SAPCD1: variants seen among roughly 807,000 people sequenced by gnomAD.
SAPCD1 encodes the protein suppressor APC domain containing 1.
A neutral mutation model predicts 20.7 loss-of-function variants in SAPCD1; 16 were observed. The ratio of observed to expected loss-of-function variants is 0.77; its 90% CI spans 0.52 to 1.17. The LOEUF (loss-of-function observed/expected upper bound fraction) is 1.17, where lower values mean the gene tolerates loss of function less well. Among genes scored for constraint, SAPCD1 ranks in the 50% most tolerant of loss-of-function variants. SAPCD1 has a pLI of 0.00. For missense variants in SAPCD1, 173 were observed against 209.9 expected, an observed-to-expected ratio of 0.82 and a Z score of 1.09; for synonymous variants, 77 against 84.8, an observed-to-expected ratio of 0.91 and a Z score of 0.50.
chr6:31,763,963 C>G lies in SAPCD1; in HGVS notation c.256-101C>G. On this transcript the variant is annotated intron_variant, in intron 2 of 4. Transcript: ENST00000415669. The surrounding 1 kb of genome is among the most constrained non-coding windows in gnomAD (Gnocchi z 4.9). Reference sequence around the variant, plus strand: ...CCACCTGCCTGGGAGGGTACTGGGACGAGGGGATCCAGATGAGAGGGATGG... The same window carrying G: ...CCACCTGCCTGGGAGGGTACTGGGAGGAGGGGATCCAGATGAGAGGGATGG... 1.2e-6 allele frequency: 1 copy of G among 817,408 alleles called. No homozygotes were observed. Among genetic ancestry groups the G allele is most frequent in the South Asian group, 1.4e-5 (1 of 71,868 alleles). The allele number at this position is 817,408 out of a possible 1,614,324, so 50.6% of individuals were successfully genotyped here.
rs1048086017 is a variant in SAPCD1, at chr6:31,763,627, G to C, written c.255+72G>C. On this transcript the variant is annotated intron_variant, in intron 2 of 4. Transcript: ENST00000415669. The surrounding 1 kb of genome is among the most constrained non-coding windows in gnomAD (Gnocchi z 4.9). ...GAGGAACAGGGAATGTGTAGACACA[G>C]CCTGAGACCACTCTGGAGAGGGGAG... The C allele has an allele frequency of 3.5e-6, 5 of 1,408,580 alleles. No homozygotes were observed. The African/African-American group carries it at 5.7e-5, about 16-fold the overall frequency. 87.3% of individuals were successfully genotyped at this position (1,408,580 alleles called of 1,614,324 possible). A position where few individuals can be genotyped will look rare whatever the true frequency, so the allele number is the denominator to read the frequency against.
chr6:31,763,404 G>T lies in SAPCD1; in HGVS notation c.115-11G>T. The T allele has an allele frequency of 2.5e-6, 4 of 1,613,030 alleles. No homozygotes were observed. Among genetic ancestry groups the T allele is most frequent in the Non-Finnish European group, 3.4e-6 (4 of 1,180,024 alleles). ...GGCGTGAGAGTCAGCCTCTGTGATT[G>T]CCTTTCCCAGCTACGCAGGATGCAG... On this transcript the variant is annotated splice_polypyrimidine_tract_variant and intron_variant, in intron 1 of 4. Transcript: ENST00000415669. This position sits in a 1 kb window ranked among gnomAD's most constrained non-coding sequence, Gnocchi z 4.9.
chr6:31,762,905 C>T, upstream of SAPCD1: 1 of 573,528 alleles, frequency 1.7e-6, no homozygotes, highest in Non-Finnish European at 3.1e-6. Context: ...TCTCTCTTCT[C>T]AAGTAGGAAC....
Position 31,764,041 on chromosome 6 carries a change from T to C in SAPCD1, c.256-23T>C. ...ACGACCTCAGGTTTTCACCATGTTG[T>C]CAGCCTCCAACTCCTCCTCTAGAAT... is the stretch of plus-strand genomic sequence containing the variant. On this transcript the variant is annotated intron_variant, in intron 2 of 4. Coordinates refer to ENST00000415669, the Ensembl canonical transcript of SAPCD1. This position sits in a 1 kb window ranked among gnomAD's most constrained non-coding sequence, Gnocchi z 4.7. 1 of 1,530,974 alleles carries C rather than the reference T, an allele frequency of 6.5e-7. No homozygotes were observed. Among genetic ancestry groups the C allele is most frequent in the Non-Finnish European group, 9.1e-7 (1 of 1,104,444 alleles). 94.8% of individuals were successfully genotyped at this position (1,530,974 alleles called of 1,614,324 possible).
In SAPCD1 at chr6:31,763,931, G is replaced by T; in HGVS notation, c.256-133G>T. 1.5e-6 allele frequency: 1 copy of T among 678,842 alleles called. No homozygotes were observed. Among genetic ancestry groups the T allele is most frequent in the Admixed American group, 2.3e-5 (1 of 42,854 alleles). The allele number at this position is 678,842 out of a possible 1,614,324, so 42.1% of individuals were successfully genotyped here. On this transcript the variant is annotated intron_variant, in intron 2 of 4. Coordinates refer to ENST00000415669, the Ensembl canonical transcript of SAPCD1. The surrounding 1 kb of genome is among the most constrained non-coding windows in gnomAD (Gnocchi z 4.9). ...AAAGAGATGGAGGTGGAGAGTACTG[G>T]ATTTTCCCACCTGCCTGGGAGGGTA...
chr6:31,764,115 AT>A lies in SAPCD1; in HGVS notation c.309del (p.Gln104LysfsTer3), dbSNP rs1208441963. The A allele has an allele frequency of 6.2e-7, 1 of 1,614,076 alleles. No individual in the cohort carries two copies. Among genetic ancestry groups the A allele is most frequent in the South Asian group, 1.1e-5 (1 of 91,086 alleles). On this transcript the variant is annotated frameshift_variant, in exon 3 of 5. Coordinates refer to ENST00000415669, the Ensembl canonical transcript of SAPCD1. LOFTEE classifies it high-confidence loss of function. This position sits in a 1 kb window ranked among gnomAD's most constrained non-coding sequence, Gnocchi z 4.7. The stretch of plus-strand genomic sequence containing the variant: ...GCCTGGTCGCCCCCCGTTAGCCCAG[AT>A]TCAAAAGGTGAACATCTGTTTGCAG...
Position 31,764,035 on chromosome 6 carries a change from A to G in SAPCD1, c.256-29A>G. ...TGGCAGACGACCTCAGGTTTTCACC[A>G]TGTTGTCAGCCTCCAACTCCTCCTC... On this transcript the variant is annotated intron_variant, in intron 2 of 4. Transcript: ENST00000415669. The surrounding 1 kb of genome is among the most constrained non-coding windows in gnomAD (Gnocchi z 4.7). The G allele has an allele frequency of 1.3e-6, 2 of 1,485,418 alleles. No individual in the cohort carries two copies. The highest frequency in any genetic ancestry group is 2.3e-5 in the East Asian group (1 of 44,218). The allele number at this position is 1,485,418 out of a possible 1,614,324, so 92.0% of individuals were successfully genotyped here.
chr6:31,763,169 G>A lies in SAPCD1; in HGVS notation c.114+1G>A, dbSNP rs776793920. 6.5e-7 allele frequency: 1 copy of A among 1,527,748 alleles called. No individual in the cohort carries two copies. Among genetic ancestry groups the A allele is most frequent in the Non-Finnish European group, 8.9e-7 (1 of 1,126,930 alleles). The allele number at this position is 1,527,748 out of a possible 1,614,324, so 94.6% of individuals were successfully genotyped here. On this transcript the variant is annotated splice_donor_variant, in intron 1 of 4. Coordinates refer to ENST00000415669, the Ensembl canonical transcript of SAPCD1. LOFTEE classifies it high-confidence loss of function. This position sits in a 1 kb window ranked among gnomAD's most constrained non-coding sequence, Gnocchi z 4.9. ...AGGGGCCCAGAGCTTCTTCCTTTGGGTGAGTATCAGCCCAACAAGAGGTCC... is the reference window on the plus strand; with the variant it reads ...AGGGGCCCAGAGCTTCTTCCTTTGGATGAGTATCAGCCCAACAAGAGGTCC...
Position 31,763,297 on chromosome 6 carries a change from C to A in SAPCD1, c.115-118C>A. 1.4e-6 allele frequency: 2 copies of A among 1,405,788 alleles called. No homozygotes were observed. Among genetic ancestry groups the A allele is most frequent in the South Asian group, 1.2e-5 (1 of 83,342 alleles). The allele number at this position is 1,405,788 out of a possible 1,614,324, so 87.1% of individuals were successfully genotyped here. On this transcript the variant is annotated intron_variant, in intron 1 of 4. Coordinates refer to ENST00000415669, the Ensembl canonical transcript of SAPCD1. The surrounding 1 kb of genome is among the most constrained non-coding windows in gnomAD (Gnocchi z 4.9). The stretch of plus-strand genomic sequence containing the variant: ...CCTTGCCCTCCAGGTCCTCAGTGGC[C>A]AGTCTGGGTTCACACTCAGTGACCA...
In SAPCD1 at chr6:31,763,222, C is replaced by T. The variant is rs1236135152; in HGVS notation, c.114+54C>T. The T allele has an allele frequency of 2.4e-6, 3 of 1,237,324 alleles. No homozygotes were observed. Among genetic ancestry groups the T allele is most frequent in the Non-Finnish European group, 2.3e-6 (2 of 874,224 alleles). The allele number at this position is 1,237,324 out of a possible 1,614,324, so 76.6% of individuals were successfully genotyped here. On this transcript the variant is annotated intron_variant, in intron 1 of 4. Coordinates refer to ENST00000415669, the Ensembl canonical transcript of SAPCD1. The surrounding 1 kb of genome is among the most constrained non-coding windows in gnomAD (Gnocchi z 4.9). ...GGGGAACTCTCTCAATAGATCTGCC[C>T]TTTATATTTCCATTCAACTTGAGGG...
In SAPCD1 at chr6:31,763,205, C is replaced by A; in HGVS notation, c.114+37C>A. The stretch of plus-strand genomic sequence containing the variant: ...CCCAACAAGAGGTCCCAGGGGAACT[C>A]TCTCAATAGATCTGCCCTTTATATT... On this transcript the variant is annotated intron_variant, in intron 1 of 4. Coordinates refer to ENST00000415669, the Ensembl canonical transcript of SAPCD1. The surrounding 1 kb of genome is among the most constrained non-coding windows in gnomAD (Gnocchi z 4.9). 7.7e-7 allele frequency: 1 copy of A among 1,297,662 alleles called. No homozygotes were observed. 80.4% of individuals were successfully genotyped at this position (1,297,662 alleles called of 1,614,324 possible).
rs1365054406 is a variant in SAPCD1, at chr6:31,764,151, C to G, written c.343C>G (p.His115Asp). ...GAACATCTGTTTGCAGAATCTGATT[C>G]ATGAGAAGGTGAGTTTATTGTTTTC... Residue 115 changes from histidine to aspartate, a missense_variant, in exon 3 of 5, where the codon CAT becomes GAT. Transcript: ENST00000415669. This position sits in a 1 kb window ranked among gnomAD's most constrained non-coding sequence, Gnocchi z 4.7. The G allele has an allele frequency of 2.5e-6, 4 of 1,612,926 alleles. No individual in the cohort carries two copies. Among genetic ancestry groups the G allele is most frequent in the Non-Finnish European group, 3.4e-6 (4 of 1,178,916 alleles).
rs1473742760 is a variant in SAPCD1 at position 31,763,095 on chromosome 6, C to T, written c.41C>T (p.Ala14Val). 4 of 1,569,764 alleles carry T rather than the reference C, an allele frequency of 2.5e-6. No individual in the cohort carries two copies. In the Admixed American group the frequency reaches 5.9e-5, roughly 23 times the overall value. The change falls in exon 1 of 5, where the codon GCT becomes GTT. Residue 14 changes from alanine to valine, a missense_variant. Transcript: ENST00000415669. The surrounding 1 kb of genome is among the most constrained non-coding windows in gnomAD (Gnocchi z 4.9). ...TCTGGCGGGGTGCCCTTGGTGCAGG[C>T]TCCCTACACAGTCCTGCTGCTGCCG... is the stretch of plus-strand genomic sequence containing the variant.
Position 31,764,098 on chromosome 6 carries a change from GC to G in SAPCD1, c.296del (p.Pro99ArgfsTer2). On this transcript the variant is annotated frameshift_variant, in exon 3 of 5. Transcript: ENST00000415669. LOFTEE classifies it high-confidence loss of function. The surrounding 1 kb of genome is among the most constrained non-coding windows in gnomAD (Gnocchi z 4.7). ...ACAGATTTACACTCAGAGCCTGGTC[GC>G]CCCCCGTTAGCCCAGATTCAAAAGG... is the stretch of plus-strand genomic sequence containing the variant. The G allele has an allele frequency of 2.5e-6, 4 of 1,613,416 alleles. No homozygotes were observed. Among genetic ancestry groups the G allele is most frequent in the Non-Finnish European group, 3.4e-6 (4 of 1,179,394 alleles).
At position 31,763,082 on chromosome 6, in the gene SAPCD1, C is replaced by T. The variant is rs765363586; in HGVS notation, c.28C>T (p.Pro10Ser). 1.0e-5 allele frequency: 16 copies of T among 1,573,840 alleles called. No individual in the cohort carries two copies. Among genetic ancestry groups the T allele is most frequent in the African/African-American group, 6.8e-5 (5 of 73,296 alleles). Reference sequence around the variant, plus strand: ...GGGGAGCCAGGGCTCTGGCGGGGTGCCCTTGGTGCAGGCTCCCTACACAGT... The same window carrying T: ...GGGGAGCCAGGGCTCTGGCGGGGTGTCCTTGGTGCAGGCTCCCTACACAGT... Residue 10 changes from proline to serine, a missense_variant, in exon 1 of 5, where the codon CCC becomes TCC. By Grantham distance (74) the Pro-to-Ser change is moderately conservative. Transcript: ENST00000415669. The surrounding 1 kb of genome is among the most constrained non-coding windows in gnomAD (Gnocchi z 4.9).
chr6:31,763,120 G>A lies in SAPCD1; in HGVS notation c.66G>A (p.Pro22=), dbSNP rs755995902. The A allele has an allele frequency of 5.3e-5, 83 of 1,563,714 alleles. No individual in the cohort carries two copies. Among genetic ancestry groups the A allele is most frequent in the East Asian group, 2.7e-4 (12 of 44,394 alleles). ...CTCCCTACACAGTCCTGCTGCTGCCGCTGGGGACAAGCCGCCAAGACCCAG... is the reference window on the plus strand; with the variant it reads ...CTCCCTACACAGTCCTGCTGCTGCCACTGGGGACAAGCCGCCAAGACCCAG... The change falls in exon 1 of 5, where the codon CCG becomes CCA. Residue 22 remains proline (P), a synonymous_variant. Coordinates refer to ENST00000415669, the Ensembl canonical transcript of SAPCD1. This position sits in a 1 kb window ranked among gnomAD's most constrained non-coding sequence, Gnocchi z 4.9.
Position 31,764,619 on chromosome 6 carries a change from G to GCTC in SAPCD1, c.*90_*92dup. 1.1e-6 allele frequency: 1 copy of GCTC among 897,540 alleles called. No homozygotes were observed. Among genetic ancestry groups the GCTC allele is most frequent in the Non-Finnish European group, 1.7e-6 (1 of 582,942 alleles). 55.6% of individuals were successfully genotyped at this position (897,540 alleles called of 1,614,324 possible). Reference sequence around the variant, plus strand: ...TTCTTAACTCAACAGCTAAAAAATGGCTCCAGGTAGTGAGTCAATGAAGTT... The same window carrying GCTC: ...TTCTTAACTCAACAGCTAAAAAATGGCTCCTCCAGGTAGTGAGTCAATGAAGTT... On this transcript the variant is annotated 3_prime_UTR_variant, in exon 5 of 5. Coordinates refer to ENST00000415669, the Ensembl canonical transcript of SAPCD1. This position sits in a 1 kb window ranked among gnomAD's most constrained non-coding sequence, Gnocchi z 4.7.
chr6:31,763,730 T>G lies in SAPCD1; in HGVS notation c.255+175T>G. 1.5e-6 allele frequency: 1 copy of G among 655,640 alleles called. No individual in the cohort carries two copies. The highest frequency in any genetic ancestry group is 2.6e-6 in the Non-Finnish European group (1 of 386,252). The allele number at this position is 655,640 out of a possible 1,614,324, so 40.6% of individuals were successfully genotyped here. On this transcript the variant is annotated intron_variant, in intron 2 of 4. Coordinates refer to ENST00000415669, the Ensembl canonical transcript of SAPCD1. The surrounding 1 kb of genome is among the most constrained non-coding windows in gnomAD (Gnocchi z 4.9). ...CACCAAGTGTTAAGTTGGTGTTCATTGTTGGGGCTGGAGGAAGCTGGTCTG... is the reference window on the plus strand; with the variant it reads ...CACCAAGTGTTAAGTTGGTGTTCATGGTTGGGGCTGGAGGAAGCTGGTCTG...
Position 31,763,965 on chromosome 6 carries a change from A to C in SAPCD1, c.256-99A>C. 1.2e-6 allele frequency: 1 copy of C among 831,408 alleles called. No homozygotes were observed. Among genetic ancestry groups the C allele is most frequent in the Non-Finnish European group, 2.1e-6 (1 of 480,226 alleles). The allele number at this position is 831,408 out of a possible 1,614,324, so 51.5% of individuals were successfully genotyped here. ...ACCTGCCTGGGAGGGTACTGGGACG[A>C]GGGGATCCAGATGAGAGGGATGGCC... On this transcript the variant is annotated intron_variant, in intron 2 of 4. Coordinates refer to ENST00000415669, the Ensembl canonical transcript of SAPCD1. The surrounding 1 kb of genome is among the most constrained non-coding windows in gnomAD (Gnocchi z 4.9).
Sources: gnomAD v4.1 joint callset for allele counts on GRCh38, gnomAD v4.1.1 for gene constraint, Gnocchi (gnomAD v3.1) non-coding constraint, MANE v1.5 for transcripts, NCBI Gene and HGNC (gene_info 2026-07-23, HGNC 2026-07-21) for gene names.